Variants in RAB31 observed in about 807,000 individuals in gnomAD.
RAB31 encodes ras-related protein Rab-31.
A neutral mutation model predicts 25.6 loss-of-function variants in RAB31; 21 were observed. The ratio of observed to expected loss-of-function variants is 0.82; its 90% CI spans 0.58 to 1.18. The LOEUF (loss-of-function observed/expected upper bound fraction) is 1.18, where lower values mean the gene tolerates loss of function less well. RAB31 is among the 50% of genes most tolerant of loss of function. The probability of loss-of-function intolerance (pLI) is 0.00; values close to 1 mark genes in which losing one functional copy is unlikely to be tolerated. For synonymous variants in RAB31, 87 were observed against 84.0 expected, an observed-to-expected ratio of 1.04 and a Z score of -0.20; for missense variants, 196 against 250.1, an observed-to-expected ratio of 0.78 and a Z score of 1.46.
chr18:9,860,757 C>T lies in RAB31; in HGVS notation c.*1432C>T, dbSNP rs1255264838. The T allele has an allele frequency of 2.6e-5, 4 of 152,118 alleles. No homozygotes were observed. Among genetic ancestry groups the T allele is most frequent in the Non-Finnish European group, 5.9e-5 (4 of 68,034 alleles). 9.4% of individuals were successfully genotyped at this position (152,118 alleles called of 1,614,324 possible). On this transcript the variant is annotated 3_prime_UTR_variant, in exon 7 of 7. Coordinates refer to ENST00000578921, the MANE Select transcript of RAB31 (RefSeq NM_006868.4). ...TTCTTTGCCATGAGCATTCAAGGGA[C>T]GGCTAACCTTTATTGACAATCTATA...
At chr18:9,782,040 G>T (rs769022540) in intron 2 of RAB31, among the ~76,000 whole-genome samples, 5 of 152,218 alleles carry the variant, frequency 3.3e-5, no homozygotes, top group African/African-American at 4.8e-5. Flanking sequence ...TGGGTTTGGA[G>T]CCCTGGTGCC....
chr18:9,826,975 T>C (rs2068653079), intron 5 of RAB31, among the ~76,000 whole-genome samples: 1 of 152,168 alleles, frequency 6.6e-6, no homozygotes, highest in Non-Finnish European at 1.5e-5. Context: ...ATAGCTGCCA[T>C]AATAAGTCAT....
intron 1 of RAB31, among the ~76,000 whole-genome samples, chr18:9,761,618 G>T (rs1158710869): frequency 6.6e-6 from 1 of 152,156 alleles, no homozygotes; most frequent in East Asian, 1.9e-4. Flanking sequence ...CCGGGGCAGG[G>T]TCTGCTTTCA....
chr18:9,830,995 T>C (rs2068675379), intron 5 of RAB31, among the ~76,000 whole-genome samples: 1 of 152,236 alleles, frequency 6.6e-6, no homozygotes, highest in Non-Finnish European at 1.5e-5. Context: ...TTGCGTGTCA[T>C]GTGCACAGTG....
chr18:9,736,861 A>G (rs141206829), intron 1 of RAB31, among the ~76,000 whole-genome samples: 185 of 152,300 alleles, frequency 1.2e-3, no homozygotes, highest in African/African-American at 4.0e-3. Flanking sequence ...TAAATTTCCA[A>G]GTTTGCCCCT....
At chr18:9,813,720 T>C (rs372776433) in intron 3 of RAB31, among the ~76,000 whole-genome samples, 1 of 152,162 alleles carries the variant, frequency 6.6e-6, no homozygotes. Flanking sequence ...GATGTGGTGG[T>C]GCATGCCTGT....
At chr18:9,811,179 G>A (rs1262279149) in intron 3 of RAB31, among the ~76,000 whole-genome samples, 4 of 152,136 alleles carry the variant, frequency 2.6e-5, no homozygotes, top group African/African-American at 4.8e-5. Context: ...CAGCATCTTC[G>A]GCCACCGCAC....
At chr18:9,850,267 C>A (rs1426676815) in intron 6 of RAB31, among the ~76,000 whole-genome samples, 2 of 151,984 alleles carry the variant, frequency 1.3e-5, no homozygotes, top group Non-Finnish European at 2.9e-5. Flanking sequence ...TGTGGTGAAC[C>A]CAAGTTTTGG....
intron 2 of RAB31, chr18:9,786,836 T>C (rs1180199766): frequency 6.6e-6 from 1 of 152,404 alleles, no homozygotes; most frequent in Non-Finnish European, 1.5e-5. Context: ...AGGAGAAATA[T>C]TCCACACAGT....
Position 9,720,088 on chromosome 18 carries a change from C to G in RAB31, c.39+11644C>G, listed in dbSNP as rs142543960. Reference sequence around the variant, plus strand: ...AAGCAATTCTCCTGCCTCAGCCTCCCAAGTAGTTGGAATTACACGCATGCA... The same window carrying G: ...AAGCAATTCTCCTGCCTCAGCCTCCGAAGTAGTTGGAATTACACGCATGCA... On this transcript the variant is annotated intron_variant, in intron 1 of 6. Transcript: ENST00000578921. 5.4e-3 allele frequency among the ~76,000 whole-genome samples: 824 copies of G among 152,288 alleles called. 10 individuals carry two copies. The highest frequency in any genetic ancestry group is 0.019 in the African/African-American group (772 of 41,578).
intron 6 of RAB31, among the ~76,000 whole-genome samples, chr18:9,848,558 C>T (rs978559018): frequency 6.6e-6 from 1 of 152,200 alleles, no homozygotes; most frequent in African/African-American, 2.4e-5. Flanking sequence ...ATTCCAAGTA[C>T]ACCTAAATAT....
intron 5 of RAB31, among the ~76,000 whole-genome samples, chr18:9,823,808 T>C (rs1298558991): frequency 6.6e-6 from 1 of 152,074 alleles, no homozygotes; most frequent in Non-Finnish European, 1.5e-5. Flanking sequence ...ATAAACAGGG[T>C]AACTGTATTA....
chr18:9,734,010 A>T (rs2068136845), intron 1 of RAB31, among the ~76,000 whole-genome samples: 1 of 150,124 alleles, frequency 6.7e-6, no homozygotes, highest in Non-Finnish European at 1.5e-5. Flanking sequence ...GAGGGGAGAA[A>T]ATGTGTTCTG....
At chr18:9,851,745 G>A (rs575171751) in intron 6 of RAB31, among the ~76,000 whole-genome samples, 1 of 152,212 alleles carries the variant, frequency 6.6e-6, no homozygotes, top group East Asian at 1.9e-4. Flanking sequence ...TGATTCAAAA[G>A]GATGACATAA....
At position 9,815,126 on chromosome 18, in the gene RAB31, A is replaced by G. The variant is rs1161059013; in HGVS notation, c.284A>G (p.Tyr95Cys). 19 of 1,546,078 alleles carry G rather than the reference A, an allele frequency of 1.2e-5. No individual in the cohort carries two copies. The highest frequency in any genetic ancestry group is 1.6e-5 in the Non-Finnish European group (18 of 1,141,096). The change falls in exon 5 of 7, where the codon TAT becomes TGT. Residue 95 changes from tyrosine (Y) to cysteine (C), a missense_variant. Tyr to Cys is a radical substitution (Grantham distance 194). Transcript: ENST00000578921. Reference sequence around the variant, plus strand: ...ACACTGTTGGTTTAGGATTCATTTTATACCTTGAAGAAATGGGTCAAGGAG... The same window carrying G: ...ACACTGTTGGTTTAGGATTCATTTTGTACCTTGAAGAAATGGGTCAAGGAG... The part of the protein sequence containing the change: ...VYDITKQDSF[Y>C]TLKKWVKELK...
intron 5 of RAB31, among the ~76,000 whole-genome samples, chr18:9,838,714 G>T (rs938479511): frequency 4.6e-5 from 7 of 152,184 alleles, no homozygotes; most frequent in African/African-American, 1.7e-4. Flanking sequence ...CTCCCCTGCT[G>T]AGAAGCCTCT....
intron 2 of RAB31, among the ~76,000 whole-genome samples, chr18:9,782,921 G>A (rs1182103262): frequency 6.6e-6 from 1 of 151,956 alleles, no homozygotes; most frequent in Non-Finnish European, 1.5e-5. Flanking sequence ...AGGTCTCACT[G>A]TGTTGTTGCC....
intron 5 of RAB31, among the ~76,000 whole-genome samples, chr18:9,843,846 C>T (rs1047184591): frequency 6.6e-6 from 1 of 152,152 alleles, no homozygotes; most frequent in East Asian, 1.9e-4. Context: ...CCTAGTCAGG[C>T]GCTTTTCCAG....
chr18:9,730,206 G>T (rs1456338977), intron 1 of RAB31, among the ~76,000 whole-genome samples: 2 of 151,782 alleles, frequency 1.3e-5, no homozygotes, highest in Non-Finnish European at 2.9e-5. Context: ...AATTTCTTAC[G>T]CAGCCCAAAA....
Sources: allele counts gnomAD v4.1 joint callset (sites outside exome capture counted in the v4.1 genomes callset), GRCh38; gene constraint gnomAD v4.1.1; transcripts MANE v1.5; gene names NCBI Gene and HGNC (gene_info 2026-07-23, HGNC 2026-07-21).